HIVEP3: variants seen among roughly 807,000 people sequenced by gnomAD.
HIVEP3 encodes the protein transcription factor HIVEP3.
A neutral mutation model predicts 152.8 loss-of-function variants in HIVEP3; 49 were observed. The ratio of observed to expected loss-of-function variants is 0.32; its 90% CI spans 0.26 to 0.41. The LOEUF (loss-of-function observed/expected upper bound fraction) is 0.41, where lower values mean the gene tolerates loss of function less well. Among genes scored for constraint, HIVEP3 ranks in the 10% least tolerant of loss-of-function variants. The probability of loss-of-function intolerance (pLI) is 1.00; values close to 1 mark genes in which losing one functional copy is unlikely to be tolerated. For missense variants in HIVEP3, 2,790 were observed against 3,103.3 expected (o/e 0.90, Z 2.40); for synonymous variants, 1,269 against 1,289.0 (o/e 0.98, Z 0.33).
intron 2 of HIVEP3, among the ~76,000 whole-genome samples, chr1:41,687,279 G>A (rs1286245862): frequency 1.3e-5 from 2 of 152,222 alleles, no homozygotes; most frequent in African/African-American, 4.8e-5. Context: ...CTCAGAGACA[G>A]GAAGCTATGG....
At chr1:41,752,816 A>C (rs1319332202) in intron 1 of HIVEP3, among the ~76,000 whole-genome samples, 1 of 152,200 alleles carries the variant, frequency 6.6e-6, no homozygotes, top group Non-Finnish European at 1.5e-5. Flanking sequence ...CTTGGCTAGG[A>C]AAAGTAACAA....
intron 3 of HIVEP3, among the ~76,000 whole-genome samples, chr1:41,602,235 T>C (rs1644758836): frequency 6.6e-6 from 1 of 152,318 alleles, no homozygotes; most frequent in Admixed American, 6.5e-5. Flanking sequence ...TTAGCTTTTG[T>C]ATCAGAGTAA....
chr1:41,649,916 C>T (rs1413674339), intron 2 of HIVEP3, among the ~76,000 whole-genome samples: 2 of 152,076 alleles, frequency 1.3e-5, no homozygotes, highest in Non-Finnish European at 2.9e-5. Flanking sequence ...TTTAAGCAGG[C>T]ATGATGGAAT....
At chr1:41,924,604 A>AC (rs1429277529) in intron 1 of HIVEP3, among the ~76,000 whole-genome samples, 1 of 152,026 alleles carries the variant, frequency 6.6e-6, no homozygotes, top group East Asian at 1.9e-4. Flanking sequence ...CCTAACACTG[A>AC]CTTTTTCTCA....
intron 5 of HIVEP3, among the ~76,000 whole-genome samples, chr1:41,525,237 C>T (rs559870043): frequency 1.3e-5 from 2 of 152,312 alleles, no homozygotes; most frequent in South Asian, 2.1e-4. Flanking sequence ...GCTACAGCTT[C>T]GCCCACAAAG....
chr1:41,526,214 C>A (rs1445408440), intron 5 of HIVEP3, among the ~76,000 whole-genome samples: 1 of 151,760 alleles, frequency 6.6e-6, no homozygotes, highest in Non-Finnish European at 1.5e-5. Flanking sequence ...AGCAACAGAA[C>A]CACCACCACC....
intron 2 of HIVEP3, among the ~76,000 whole-genome samples, chr1:41,686,905 C>T (rs1013934738): frequency 2.0e-5 from 3 of 152,196 alleles, no homozygotes; most frequent in African/African-American, 7.2e-5. Flanking sequence ...CATTTAGCAT[C>T]TACTATGGAC....
At chr1:41,805,068 G>A (rs1650522132) in intron 1 of HIVEP3, among the ~76,000 whole-genome samples, 1 of 152,228 alleles carries the variant, frequency 6.6e-6, no homozygotes, top group African/African-American at 2.4e-5. Context: ...CGGGCGCGGT[G>A]GCTCACACCT....
intron 1 of HIVEP3, among the ~76,000 whole-genome samples, chr1:42,003,027 A>G (rs949110491): frequency 2.0e-5 from 3 of 152,084 alleles, no homozygotes; most frequent in Non-Finnish European, 4.4e-5. Flanking sequence ...CTGCTAACTA[A>G]TATTTTTAAA....
At chr1:41,718,879 A>C (rs1646636730) in intron 1 of HIVEP3, among the ~76,000 whole-genome samples, 1 of 152,202 alleles carries the variant, frequency 6.6e-6, no homozygotes, top group Admixed American at 6.5e-5. Flanking sequence ...GCTGAGACCA[A>C]AGGCATTAGA....
chr1:41,917,602 C>T (rs1215930453), intron 1 of HIVEP3, among the ~76,000 whole-genome samples: 1 of 152,176 alleles, frequency 6.6e-6, no homozygotes, highest in African/African-American at 2.4e-5. Context: ...TCCTCTGCAC[C>T]ACTGCCACAC....
At chr1:41,710,499 C>T (rs1481767552) in intron 1 of HIVEP3, among the ~76,000 whole-genome samples, 2 of 152,192 alleles carry the variant, frequency 1.3e-5, no homozygotes, top group Admixed American at 1.3e-4. Flanking sequence ...TCTAAGCCCT[C>T]AGTGAGGGTC....
At chr1:41,564,969 C>A (rs1157813939) in intron 5 of HIVEP3, among the ~76,000 whole-genome samples, 1 of 152,204 alleles carries the variant, frequency 6.6e-6, no homozygotes, top group Non-Finnish European at 1.5e-5. Flanking sequence ...GACAACTCAG[C>A]GGAGCCCCTG....
intron 5 of HIVEP3, among the ~76,000 whole-genome samples, chr1:41,558,195 C>T (rs142861459): frequency 6.6e-6 from 1 of 152,144 alleles, no homozygotes; most frequent in Non-Finnish European, 1.5e-5. Context: ...GGGATGATGC[C>T]CCCCGGCCCA....
intron 5 of HIVEP3, among the ~76,000 whole-genome samples, chr1:41,558,681 G>T (rs920684890): frequency 6.6e-6 from 1 of 152,180 alleles, no homozygotes; most frequent in Admixed American, 6.5e-5. Context: ...CCAGGCCCTT[G>T]TCAGCTGCCT....
At chr1:41,650,116 G>C (rs961217273) in intron 2 of HIVEP3, among the ~76,000 whole-genome samples, 1 of 152,108 alleles carries the variant, frequency 6.6e-6, no homozygotes, top group African/African-American at 2.4e-5. Flanking sequence ...AAGGTGGCTA[G>C]AGGCTCCTTC....
intron 1 of HIVEP3, among the ~76,000 whole-genome samples, chr1:41,796,180 C>T (rs1228330677): frequency 6.6e-6 from 1 of 152,230 alleles, no homozygotes; most frequent in African/African-American, 2.4e-5. Flanking sequence ...TCGAGCCTTT[C>T]TAGGGCAAAA....
At chr1:42,014,354 G>A (rs866865881) in intron 1 of HIVEP3, among the ~76,000 whole-genome samples, 3 of 152,068 alleles carry the variant, frequency 2.0e-5, no homozygotes, top group South Asian at 2.1e-4. Context: ...AGAAAGTCAC[G>A]CGGCTCCAGC....
rs749546804 is a variant in HIVEP3 at position 41,511,881 on chromosome 1, CTG to C, written c.6406-617_6406-616del. ...GCAGCTGAGGGGACAGGGATGGTGA[CTG>C]TGCTCATGGGGTGGCAGCAGTGGTG... On this transcript the variant is annotated intron_variant, in intron 8 of 8. Transcript: ENST00000372583. This position sits in a 1 kb window ranked among gnomAD's most constrained non-coding sequence, Gnocchi z 4.9. Among the ~76,000 whole-genome samples, 3 of 152,068 alleles carry C rather than the reference CTG, an allele frequency of 2.0e-5. No homozygotes were observed. The highest frequency in any genetic ancestry group is 4.4e-5 in the Non-Finnish European group (3 of 68,004).
Sources: gnomAD v4.1 joint callset for allele counts (sites outside exome capture counted in the v4.1 genomes callset) on GRCh38, gnomAD v4.1.1 for gene constraint, Gnocchi (gnomAD v3.1) non-coding constraint, MANE v1.5 for transcripts, NCBI Gene and HGNC (gene_info 2026-07-23, HGNC 2026-07-21) for gene names.